Variants in BAG3 observed in about 807,000 individuals in gnomAD.
The protein encoded by BAG3 is BAG cochaperone 3, also known as BAG family molecular chaperone regulator 3.
BAG3 carries 14 observed loss-of-function variants against 40.5 expected under a neutral mutation model. The observed-to-expected ratio is 0.35, with a 90% CI of 0.23 to 0.54. BAG3 has a LOEUF of 0.54. Among genes scored for constraint, BAG3 ranks in the 20% least tolerant of loss-of-function variants. The probability of loss-of-function intolerance (pLI) is 0.91; values close to 1 mark genes in which losing one functional copy is unlikely to be tolerated. For synonymous variants in BAG3, 302 were observed against 307.8 expected (o/e 0.98, Z 0.20); for missense variants, 788 against 758.6 (o/e 1.04, Z -0.46).
rs1847243414 is a variant in BAG3, at chr10:119,676,791, G to A, written c.1237G>A (p.Ala413Thr). The A allele has an allele frequency of 6.2e-7, 1 of 1,614,076 alleles. No individual in the cohort carries two copies. Among genetic ancestry groups the A allele is most frequent in the Non-Finnish European group, 8.5e-7 (1 of 1,180,050 alleles). Residue 413 changes from alanine (A) to threonine (T), a missense_variant, in exon 4 of 4, where the codon GCC becomes ACC. By Grantham distance (58) the Ala-to-Thr change is moderately conservative (BLOSUM62 0). Transcript: ENST00000369085. ...AGCTACACCTCCAAAACCAGGAGAA[G>A]CCGAGGCTCCCCCAAAACATCCAGG... ...AEATPPKPGEAEAPPKHPGVL... is the reference protein window; with the variant it reads ...AEATPPKPGETEAPPKHPGVL...
At chr10:119,651,913 G>C in intron 1 of BAG3, 58 bp downstream of exon 1, 2 of 1,430,562 alleles carry the variant, frequency 1.4e-6, no homozygotes, top group Non-Finnish European at 1.9e-6. Flanking sequence ...GCAGGCGGCG[G>C]GGAGTGGGCT....
At chr10:119,657,550 C>T (rs1846929845) in intron 1 of BAG3, 1 of 471,170 alleles carries the variant, frequency 2.1e-6, no homozygotes, top group Non-Finnish European at 4.4e-6. Flanking sequence ...TACAGAAGAG[C>T]TGCCCGTGAA....
intron 1 of BAG3, among the ~76,000 whole-genome samples, chr10:119,663,867 G>A (rs1847024620): frequency 6.6e-6 from 1 of 152,114 alleles, no homozygotes; most frequent in Admixed American, 6.6e-5. Flanking sequence ...CACACCTACG[G>A]AATCAGACCT....
chr10:119,675,090 G>T (rs1847201543), intron 3 of BAG3, among the ~76,000 whole-genome samples: 2 of 152,220 alleles, frequency 1.3e-5, no homozygotes. Context: ...CTAGCACTTT[G>T]GGAGGCCGAG....
rs727502898 is a variant in BAG3 at position 119,669,953 on chromosome 10, C to T, written c.283C>T (p.Pro95Ser). Reference sequence around the variant, plus strand: ...CCCCCAGCTCCGACCAGGCTACATTCCCATTCCTGTGCTCCATGAAGGCGC... The same window carrying T: ...CCCCCAGCTCCGACCAGGCTACATTTCCATTCCTGTGCTCCATGAAGGCGC... ...VYPQLRPGYI[P>S]IPVLHEGAEN... is the part of the protein sequence containing the mutation. Residue 95 changes from proline to serine, a missense_variant, in exon 2 of 4, where the codon CCC becomes TCC. Physicochemically the swap from Pro to Ser is moderately conservative, Grantham distance 74. Transcript: ENST00000369085. The T allele has an allele frequency of 6.2e-7, 1 of 1,614,262 alleles. No individual in the cohort carries two copies. Among genetic ancestry groups the T allele is most frequent in the Non-Finnish European group, 8.5e-7 (1 of 1,180,042 alleles).
Position 119,671,475 on chromosome 10 carries a change from T to C in BAG3, c.508-780T>C, listed in dbSNP as rs146563219. 3.1e-3 allele frequency among the ~76,000 whole-genome samples: 469 copies of C among 152,310 alleles called. 2 individuals carry two copies. Among genetic ancestry groups the C allele is most frequent in the African/African-American group, 0.01 (426 of 41,586 alleles). ...AAGGTGGCCCAGCAGGGAAAGGTGC[T>C]TGACCTGCCTTGGGCCACACGGGAT... On this transcript the variant is annotated intron_variant, in intron 2 of 3. Transcript: ENST00000369085.
chr10:119,670,154 C>A lies in BAG3; in HGVS notation c.484C>A (p.Pro162Thr), dbSNP rs2134063622. The A allele has an allele frequency of 1.9e-6, 3 of 1,609,398 alleles. No homozygotes were observed. The highest frequency in any genetic ancestry group is 2.5e-6 in the Non-Finnish European group (3 of 1,177,956). Residue 162 changes from proline to threonine, a missense_variant, in exon 2 of 4, where the codon CCC becomes ACC. Coordinates refer to ENST00000369085, the MANE Select transcript of BAG3 (RefSeq NM_004281.4). ...GGTGGCAGCGGCGGCGGCAGCCCAG[C>A]CCCCAGCCTCCCACGGACCTGAGGT... The part of the protein sequence containing the change: ...GQVAAAAAAQ[P>T]PASHGPERSQ...
intron 1 of BAG3, among the ~76,000 whole-genome samples, chr10:119,660,093 G>A (rs970250365): frequency 6.6e-6 from 1 of 152,232 alleles, no homozygotes; most frequent in Non-Finnish European, 1.5e-5. Flanking sequence ...CCCCAGCAGG[G>A]GAAATACCAG....
intron 1 of BAG3, among the ~76,000 whole-genome samples, chr10:119,667,192 G>A (rs542161792): frequency 1.3e-5 from 2 of 152,248 alleles, no homozygotes; most frequent in South Asian, 4.1e-4. Context: ...GGTTAGGCTG[G>A]TCTTGAACTC....
At chr10:119,659,398 C>T (rs1846961582) in intron 1 of BAG3, among the ~76,000 whole-genome samples, 1 of 152,194 alleles carries the variant, frequency 6.6e-6, no homozygotes, top group South Asian at 2.1e-4. Flanking sequence ...GGACATCAGC[C>T]CACCTTACTG....
At position 119,672,393 on chromosome 10, in the gene BAG3, G is replaced by A. The variant is rs148282376; in HGVS notation, c.646G>A (p.Val216Ile). 6.8e-6 allele frequency: 11 copies of A among 1,614,112 alleles called. No homozygotes were observed. The highest frequency in any genetic ancestry group is 6.7e-5 in the East Asian group (3 of 44,862). The change falls in exon 3 of 4, where the codon GTT becomes ATT. Residue 216 changes from valine to isoleucine, a missense_variant. Coordinates refer to ENST00000369085, the MANE Select transcript of BAG3 (RefSeq NM_004281.4). The surrounding 1 kb of genome is among the most constrained non-coding windows in gnomAD (Gnocchi z 4.8). ...CATTCCGGTGATACACGAGCAGAAC[G>A]TTACCCGGCCAGCAGCCCAGCCCTC... is the stretch of plus-strand genomic sequence containing the variant. Reference protein sequence around the residue: ...ISIPVIHEQNVTRPAAQPSFH... With the variant: ...ISIPVIHEQNITRPAAQPSFH...
chr10:119,669,798 G>C, intron 1 of BAG3, 53 bp from the exon 2 acceptor site: 2 of 1,543,324 alleles, frequency 1.3e-6, no homozygotes, highest in Non-Finnish European at 1.8e-6. Flanking sequence ...TCTGCCAGGA[G>C]GGTTCACTTC....
At chr10:119,670,303 G>A (rs1011961323) in intron 2 of BAG3, 126 bp downstream of exon 2, 37 of 1,046,262 alleles carry the variant, frequency 3.5e-5, no homozygotes, top group Non-Finnish European at 4.7e-5. Flanking sequence ...TCTGGGTCTA[G>A]CCTGCAGCAT....
chr10:119,676,624 C>T lies in BAG3; in HGVS notation c.1070C>T (p.Pro357Leu), dbSNP rs757425256. ...AAACCTGTTTCCCAGAAGCCCCCAC[C>T]TCCCTCTGAGAAGGTAGAGGTGAAA... is the stretch of plus-strand genomic sequence containing the variant. ...DSKPVSQKPP[P>L]PSEKVEVKVP... The change falls in exon 4 of 4, where the codon CCT becomes CTT. Residue 357 changes from proline (P) to leucine (L), a missense_variant. Transcript: ENST00000369085. 4.3e-6 allele frequency: 7 copies of T among 1,614,062 alleles called. No homozygotes were observed. The highest frequency in any genetic ancestry group is 5.9e-6 in the Non-Finnish European group (7 of 1,180,044).
chr10:119,677,562 T>C lies in BAG3; in HGVS notation c.*280T>C. ...TGTCTACTTGGGCACCCCCACCACC[T>C]GTTAGCTGTGGTTGTGCACTGTCTT... is the stretch of plus-strand genomic sequence containing the variant. On this transcript the variant is annotated 3_prime_UTR_variant, in exon 4 of 4. Coordinates refer to ENST00000369085, the MANE Select transcript of BAG3 (RefSeq NM_004281.4). The C allele has an allele frequency of 1.9e-6, 1 of 514,954 alleles. No homozygotes were observed. Among genetic ancestry groups the C allele is most frequent in the East Asian group, 3.7e-5 (1 of 27,328 alleles). The allele number at this position is 514,954 out of a possible 1,614,324, so 31.9% of individuals were successfully genotyped here.
Position 119,676,868 on chromosome 10 carries a change from T to G in BAG3, c.1314T>G (p.Ala438=). 1.2e-6 allele frequency: 2 copies of G among 1,614,176 alleles called. No individual in the cohort carries two copies. The highest frequency in any genetic ancestry group is 1.7e-6 in the Non-Finnish European group (2 of 1,180,034). The change falls in exon 4 of 4, where the codon GCT becomes GCG. Residue 438 remains alanine, a synonymous_variant. Transcript: ENST00000369085. ...AGAAGGTACAGGGGCTGGAGCAGGC[T>G]GTAGACAACTTTGAAGGCAAGAAGA... ...ILEKVQGLEQ[A]VDNFEGKKTD... is the part of the protein sequence containing the mutation.
Position 119,677,044 on chromosome 10 carries a change from A to G in BAG3, c.1490A>G (p.Lys497Arg). 6.2e-7 allele frequency: 1 copy of G among 1,614,178 alleles called. No individual in the cohort carries two copies. The highest frequency in any genetic ancestry group is 8.5e-7 in the Non-Finnish European group (1 of 1,180,034). The change falls in exon 4 of 4, where the codon AAA (lysine) becomes AGA (arginine). Residue 497 changes from lysine to arginine, a missense_variant. Coordinates refer to ENST00000369085, the MANE Select transcript of BAG3 (RefSeq NM_004281.4). ...VQTILEKLEQKAIDVPGQVQV... is the reference protein window; with the variant it reads ...VQTILEKLEQRAIDVPGQVQV... ...ACCATCTTGGAAAAACTTGAACAGAAAGCCATTGATGTCCCAGGTCAAGTC... is the reference window on the plus strand; with the variant it reads ...ACCATCTTGGAAAAACTTGAACAGAGAGCCATTGATGTCCCAGGTCAAGTC...
At chr10:119,671,767 G>A (rs1847153399) in intron 2 of BAG3, among the ~76,000 whole-genome samples, 1 of 152,118 alleles carries the variant, frequency 6.6e-6, no homozygotes, top group Non-Finnish European at 1.5e-5. Context: ...TGTTGTGTGT[G>A]TGTGTGTTTT....
chr10:119,655,247 G>A (rs952184249), intron 1 of BAG3, among the ~76,000 whole-genome samples: 8 of 152,142 alleles, frequency 5.3e-5, no homozygotes, highest in Non-Finnish European at 1.0e-4. Flanking sequence ...GAAGCGAGCC[G>A]AGACAGCACC....
Sources: allele counts gnomAD v4.1 joint callset (sites outside exome capture counted in the v4.1 genomes callset), GRCh38; gene constraint gnomAD v4.1.1; non-coding constraint Gnocchi (gnomAD v3.1); transcripts MANE v1.5; gene names NCBI Gene and HGNC (gene_info 2026-07-23, HGNC 2026-07-21).